The following CCDC158 variants were observed in gnomAD, a reference collection of about 807,000 sequenced individuals.
The protein encoded by CCDC158 is coiled-coil domain-containing protein 158.
Under a neutral mutation model 138.6 loss-of-function variants are expected in CCDC158, and 116 were observed. The ratio of observed to expected loss-of-function variants is 0.84; its 90% CI spans 0.72 to 0.98. The LOEUF is 0.98. Ranked by LOEUF, CCDC158 falls within the 50% of genes least tolerant of loss-of-function variation. The pLI, the probability that CCDC158 is intolerant of heterozygous loss-of-function variation, is 0.00. For synonymous variants in CCDC158, 436 were observed against 442.4 expected (o/e 0.99, Z 0.18); for missense variants, 1,265 against 1,306.1 (o/e 0.97, Z 0.48).
chr4:76,366,037 G>T (rs962966619), intron 12 of CCDC158, among the ~76,000 whole-genome samples: 3 of 152,156 alleles, frequency 2.0e-5, no homozygotes, highest in Non-Finnish European at 4.4e-5. Context: ...GGATTAAATT[G>T]ATTTAAGTTT....
intron 19 of CCDC158, among the ~76,000 whole-genome samples, chr4:76,333,609 G>A (rs549531611): frequency 3.5e-4 from 54 of 152,304 alleles, no homozygotes; most frequent in Non-Finnish European, 6.5e-4. Flanking sequence ...CAAGGTTCTA[G>A]TTTTATCTCC....
intron 4 of CCDC158, 119 bp from the exon 5 acceptor site, chr4:76,384,784 A>T: frequency 1.5e-6 from 1 of 666,578 alleles, no homozygotes; most frequent in Non-Finnish European, 2.6e-6. Flanking sequence ...TCCTTCCCTC[A>T]CTGCTGCAGT....
intron 4 of CCDC158, 68 bp from the exon 5 acceptor site, chr4:76,384,733 C>T (rs1488565307): frequency 4.9e-6 from 5 of 1,023,184 alleles, no homozygotes; most frequent in Non-Finnish European, 7.6e-6. Context: ...TAGTAACTTC[C>T]AAAGATCTAT....
At chr4:76,330,662 A>C (rs747251697) in intron 21 of CCDC158, among the ~76,000 whole-genome samples, 6 of 152,220 alleles carry the variant, frequency 3.9e-5, no homozygotes, top group Non-Finnish European at 8.8e-5. Flanking sequence ...TTATTCCCTA[A>C]ACTATACAAT....
At position 76,402,468 on chromosome 4, in the gene CCDC158, A is replaced by G. The variant is rs1191008943; in HGVS notation, c.70+670T>C. ...TACCTCTAGCTTCCATGCCCTTGCA[A>G]CAGCTGCTTTTCTCATTGTCCTTCT... On this transcript the variant is annotated intron_variant, in intron 3 of 24. Coordinates refer to ENST00000682701, the MANE Select transcript of CCDC158 (RefSeq NM_001394954.1). 2.0e-5 allele frequency among the ~76,000 whole-genome samples: 3 copies of G among 152,308 alleles called. No homozygotes were observed. In the Middle Eastern group the frequency reaches 0.01, roughly 518 times the overall value.
At chr4:76,413,860 C>G (rs1017985209) in intron 1 of CCDC158, among the ~76,000 whole-genome samples, 11 of 152,240 alleles carry the variant, frequency 7.2e-5, no homozygotes, top group African/African-American at 2.7e-4. Context: ...CAATTCTAAA[C>G]TGCTTCCAGC....
chr4:76,325,632 A>C (rs1720449114), intron 23 of CCDC158, among the ~76,000 whole-genome samples: 1 of 152,204 alleles, frequency 6.6e-6, no homozygotes, highest in African/African-American at 2.4e-5. Flanking sequence ...CATTTAGAGA[A>C]AAAGAGAGAT....
chr4:76,351,218 C>T (rs1723008820), intron 17 of CCDC158, 97 bp from the exon 18 acceptor site: 1 of 1,161,490 alleles, frequency 8.6e-7, no homozygotes, highest in South Asian at 1.8e-5. Flanking sequence ...CAGGCAAAAT[C>T]CATTATTGAG....
At chr4:76,397,441 A>C (rs931908723) in intron 3 of CCDC158, among the ~76,000 whole-genome samples, 3 of 152,198 alleles carry the variant, frequency 2.0e-5, no homozygotes, top group African/African-American at 7.2e-5. Context: ...GAAACAAGTA[A>C]ACCTAAGTAA....
At chr4:76,332,249 T>C (rs1164157179) in intron 20 of CCDC158, among the ~76,000 whole-genome samples, 183 bp downstream of exon 20, 1 of 152,216 alleles carries the variant, frequency 6.6e-6, no homozygotes, top group Non-Finnish European at 1.5e-5. Context: ...TGAGTTGATT[T>C]CTAGAAACTA....
intron 10 of CCDC158, 36 bp from the exon 11 acceptor site, chr4:76,369,659 T>C (rs530413460): frequency 1.0e-5 from 16 of 1,547,354 alleles, no homozygotes; most frequent in Middle Eastern, 3.4e-4. Context: ...TCCTCCCTGC[T>C]ATTAAATAAT....
chr4:76,313,864 A>G (rs769154048), intron 24 of CCDC158, among the ~76,000 whole-genome samples: 7 of 152,220 alleles, frequency 4.6e-5, no homozygotes, highest in Non-Finnish European at 1.0e-4. Flanking sequence ...CAAAACGTCA[A>G]TAAGTTTCCA....
chr4:76,319,271 TA>T (rs199501375), intron 24 of CCDC158, among the ~76,000 whole-genome samples: 5,025 of 130,072 alleles, frequency 0.039, 286 homozygotes, highest in African/African-American at 0.13. Flanking sequence ...GACTCCATCT[TA>T]AAAAAAAAAA....
intron 18 of CCDC158, among the ~76,000 whole-genome samples, chr4:76,347,401 T>C (rs1178781654): frequency 6.6e-6 from 1 of 152,102 alleles, no homozygotes; most frequent in Non-Finnish European, 1.5e-5. Flanking sequence ...GTTTATGTCC[T>C]TTGCAGGGAC....
upstream of CCDC158, chr4:76,421,677 A>G (rs911388454): frequency 5.0e-5 from 2 of 40,238 alleles, no homozygotes; most frequent in African/African-American, 9.1e-5. Context: ...GCCCCACCTC[A>G]CCCCCCCCTC....
intron 24 of CCDC158, among the ~76,000 whole-genome samples, chr4:76,316,900 CAAAAA>C (rs77150446): frequency 2.2e-3 from 137 of 62,624 alleles, no homozygotes; most frequent in Admixed American, 7.9e-3. Context: ...CTTTTGCAGA[CAAAAA>C]AAAAAAAAAA....
chr4:76,322,894 G>A (rs1720162528), intron 24 of CCDC158, among the ~76,000 whole-genome samples: 1 of 152,120 alleles, frequency 6.6e-6, no homozygotes, highest in Non-Finnish European at 1.5e-5. Flanking sequence ...TAAATCCTGT[G>A]TAAAGATAAA....
chr4:76,412,775 AG>A (rs1184664741), intron 1 of CCDC158, among the ~76,000 whole-genome samples: 1 of 152,194 alleles, frequency 6.6e-6, no homozygotes, highest in East Asian at 1.9e-4. Context: ...AATAGCCTAT[AG>A]CACTTATCTA....
intron 12 of CCDC158, among the ~76,000 whole-genome samples, chr4:76,365,686 T>G (rs893307648): frequency 2.0e-5 from 3 of 152,156 alleles, no homozygotes; most frequent in Admixed American, 6.5e-5. Context: ...AGTCAGGAGC[T>G]CCACATTCCT....
Sources: gnomAD v4.1 joint callset for allele counts (sites outside exome capture counted in the v4.1 genomes callset) on GRCh38, gnomAD v4.1.1 for gene constraint, MANE v1.5 for transcripts, NCBI Gene and HGNC (gene_info 2026-07-23, HGNC 2026-07-21) for gene names.